Variants in LTN1 observed in about 807,000 individuals in gnomAD.
LTN1 encodes E3 ubiquitin-protein ligase listerin.
In LTN1, 88 loss-of-function variants were observed where a neutral mutation model predicts 201.2. The ratio of observed to expected loss-of-function variants is 0.44; its 90% CI spans 0.37 to 0.52. LTN1 has a LOEUF of 0.52. Among genes scored for constraint, LTN1 ranks in the 20% least tolerant of loss-of-function variants. LTN1 has a pLI of 0.00. For missense variants in LTN1, 1,752 were observed against 2,038.7 expected, an observed-to-expected ratio of 0.86 and a Z score of 2.71; for synonymous variants, 645 against 713.5, an observed-to-expected ratio of 0.90 and a Z score of 1.53.
chr21:28,964,488 C>A, intron 11 of LTN1: 1 of 1,178,284 alleles, frequency 8.5e-7, no homozygotes, highest in Non-Finnish European at 1.1e-6. Flanking sequence ...ACTTAATAGA[C>A]TGTAGTGTAC....
In LTN1 at chr21:28,969,759, C is replaced by A. The variant is rs148022774; in HGVS notation, c.1176-158G>T. Among the ~76,000 whole-genome samples the A allele has an allele frequency of 8.4e-4, 127 of 151,876 alleles. 1 individual carries two copies. Among genetic ancestry groups the A allele is most frequent in the African/African-American group, 3.0e-3 (125 of 41,396 alleles). On this transcript the variant is annotated intron_variant, in intron 8 of 29. Transcript: ENST00000361371. ...TAAATACCAATGAAAATACATATAGCCCAATGAGAATATGAACTTAAAAAC... is the reference window on the plus strand; with the variant it reads ...TAAATACCAATGAAAATACATATAGACCAATGAGAATATGAACTTAAAAAC...
intron 11 of LTN1, 105 bp downstream of exon 11, chr21:28,965,760 G>T: frequency 1.5e-6 from 1 of 651,176 alleles, no homozygotes; most frequent in Non-Finnish European, 2.6e-6. Flanking sequence ...CTCTAACACA[G>T]AACCTGACTA....
At chr21:28,953,183 G>A in intron 17 of LTN1, 34 bp downstream of exon 17, 1 of 1,501,912 alleles carries the variant, frequency 6.7e-7, no homozygotes, top group South Asian at 1.4e-5. Flanking sequence ...AAGTAGCATA[G>A]TCATTTTAAA....
At chr21:28,991,069 G>A (rs954853796) in intron 1 of LTN1, among the ~76,000 whole-genome samples, 4 of 151,780 alleles carry the variant, frequency 2.6e-5, no homozygotes, top group Admixed American at 6.6e-5. Flanking sequence ...CCCGAGAGGC[G>A]GAGATTGCAG....
chr21:28,975,431 C>A (rs960633314), intron 6 of LTN1, among the ~76,000 whole-genome samples: 2 of 152,104 alleles, frequency 1.3e-5, no homozygotes, highest in African/African-American at 4.8e-5. Context: ...CAAATTAAAA[C>A]CACAATGAGA....
intron 11 of LTN1, among the ~76,000 whole-genome samples, chr21:28,965,157 C>T (rs138084345): frequency 0.012 from 1,788 of 151,482 alleles, 26 homozygotes; most frequent in Non-Finnish European, 0.019. Context: ...TTTTTTACTA[C>T]AATTTAAAAA....
intron 4 of LTN1, among the ~76,000 whole-genome samples, chr21:28,984,155 T>A (rs1226041491): frequency 6.6e-6 from 1 of 152,068 alleles, no homozygotes; most frequent in Admixed American, 6.6e-5. Flanking sequence ...TTCTAGTAAG[T>A]ATCACTCCCA....
Position 28,944,051 on chromosome 21 carries a change from G to A in LTN1, c.3983-147C>T, listed in dbSNP as rs1451365003. The A allele has an allele frequency of 4.8e-6, 3 of 630,076 alleles. No homozygotes were observed. The East Asian group carries it at 8.1e-5, about 17-fold the overall frequency. The allele number at this position is 630,076 out of a possible 1,614,324, so 39.0% of individuals were successfully genotyped here. On this transcript the variant is annotated intron_variant, in intron 22 of 29. Coordinates refer to ENST00000361371, the MANE Select transcript of LTN1 (RefSeq NM_015565.3). ...GCAGTCTTAACTAGAAACATGAACT[G>A]AATATATATTCCAGTTAATCTCAAC...
At chr21:28,944,127 A>G (rs1479437791) in intron 22 of LTN1, among the ~76,000 whole-genome samples, 1 of 152,198 alleles carries the variant, frequency 6.6e-6, no homozygotes, top group African/African-American at 2.4e-5. Context: ...GCAAGGTTCT[A>G]TTCACATCAT....
chr21:28,954,461 T>C (rs544743135), intron 16 of LTN1, among the ~76,000 whole-genome samples: 4 of 152,058 alleles, frequency 2.6e-5, no homozygotes, highest in Non-Finnish European at 4.4e-5. Context: ...AGGCCCTAAG[T>C]CCTCTTAGGG....
intron 11 of LTN1, among the ~76,000 whole-genome samples, chr21:28,962,902 G>A (rs904290612): frequency 2.0e-5 from 3 of 152,174 alleles, no homozygotes; most frequent in African/African-American, 7.2e-5. Context: ...AAGTTTTAGT[G>A]GTCCAGACAG....
intron 25 of LTN1, among the ~76,000 whole-genome samples, chr21:28,940,306 A>G (rs1345274774): frequency 6.6e-6 from 1 of 152,220 alleles, no homozygotes; most frequent in Non-Finnish European, 1.5e-5. Context: ...GGATCCTTCT[A>G]ACAGAAAAAC....
chr21:28,980,033 AAAAAATCTGAGTCACCCACG>A (rs2084646229), intron 6 of LTN1, among the ~76,000 whole-genome samples: 2 of 152,150 alleles, frequency 1.3e-5, no homozygotes, highest in African/African-American at 4.8e-5. Flanking sequence ...ATAGAATGGC[AAAAAATCTGAGTCACCCACG>A]TGCACATTCC....
chr21:28,964,425 T>C (rs1007280815), intron 11 of LTN1, among the ~76,000 whole-genome samples: 1 of 152,222 alleles, frequency 6.6e-6, no homozygotes, highest in African/African-American at 2.4e-5. Flanking sequence ...TAGCAATAAA[T>C]TAATTTTAAA....
rs765643516 is a variant in LTN1 at position 28,959,464 on chromosome 21, A to T, written c.2587T>A (p.Leu863Met). 1.4e-5 allele frequency: 23 copies of T among 1,612,340 alleles called. No homozygotes were observed. Among genetic ancestry groups the T allele is most frequent in the Middle Eastern group, 1.6e-4 (1 of 6,072 alleles). Reference protein sequence around the residue: ...LCAQSKEKTHLPDFLICKLKN... With the variant: ...LCAQSKEKTHMPDFLICKLKN... ...TTGAGCAGTAGGCTATTACCTGGCA[A>T]ATGTGTTTTTTCTTTGCTCTGAGCA... Residue 863 changes from leucine to methionine, a missense_variant, in exon 13 of 30, where the codon TTG becomes ATG. Coordinates refer to ENST00000361371, the MANE Select transcript of LTN1 (RefSeq NM_015565.3).
Position 28,945,789 on chromosome 21 carries a change from C to T in LTN1, c.3768+18G>A. 1 of 1,609,084 alleles carries T rather than the reference C, an allele frequency of 6.2e-7. No individual in the cohort carries two copies. Among genetic ancestry groups the T allele is most frequent in the Non-Finnish European group, 8.5e-7 (1 of 1,177,372 alleles). The stretch of plus-strand genomic sequence containing the variant: ...TACAAAAACCCACAAGAGGTGATGA[C>T]ATATCGGGTTAATTTACCTCCAACC... On this transcript the variant is annotated intron_variant, in intron 21 of 29. Transcript: ENST00000361371.
intron 17 of LTN1, 73 bp from the exon 18 acceptor site, chr21:28,952,337 C>T (rs1180452237): frequency 1.7e-5 from 15 of 862,196 alleles, no homozygotes; most frequent in Non-Finnish European, 2.7e-5. Flanking sequence ...CACTGGCTAG[C>T]TGGATTCCTT....
chr21:28,959,696 ATCTGG>A lies in LTN1; in HGVS notation c.2354-4_2354del, dbSNP rs1273198841. The stretch of plus-strand genomic sequence containing the variant: ...CAACATATACGTCTCCAATCAAGTA[ATCTGG>A]AGAAAAAAAGGTTCAAACAGACAAA... On this transcript the variant is annotated splice_acceptor_variant and splice_polypyrimidine_tract_variant and coding_sequence_variant and intron_variant, in exon 13 of 30. Transcript: ENST00000361371. LOFTEE classifies it high-confidence loss of function. The A allele has an allele frequency of 1.3e-6, 2 of 1,593,394 alleles. No individual in the cohort carries two copies. The highest frequency in any genetic ancestry group is 3.6e-5 in the Admixed American group (2 of 55,936).
chr21:28,938,147 T>A (rs1042745484), intron 25 of LTN1, among the ~76,000 whole-genome samples: 15 of 152,014 alleles, frequency 9.9e-5, no homozygotes, highest in African/African-American at 3.4e-4. Context: ...GAGAAGAAAA[T>A]AAAACTATAG....
Sources: gnomAD v4.1 joint callset for allele counts (sites outside exome capture counted in the v4.1 genomes callset) on GRCh38, gnomAD v4.1.1 for gene constraint, MANE v1.5 for transcripts, NCBI Gene and HGNC (gene_info 2026-07-23, HGNC 2026-07-21) for gene names.